The following FAT3 variants were observed in gnomAD, a reference collection of about 807,000 sequenced individuals.
FAT3 encodes protocadherin Fat 3.
Under a neutral mutation model 310.2 loss-of-function variants are expected in FAT3, and 95 were observed. The ratio of observed to expected loss-of-function variants is 0.31; its 90% confidence interval spans 0.26 to 0.36. FAT3 has a LOEUF of 0.36. Among genes scored for constraint, FAT3 ranks in the 10% least tolerant of loss-of-function variants. The pLI is 1.00. For missense variants in FAT3, 5,408 were observed against 5,715.6 expected (o/e 0.95, Z 1.74); for synonymous variants, 2,314 against 2,192.9 (o/e 1.06, Z -1.54).
At chr11:92,647,695 T>G (rs946781048) in intron 3 of FAT3, among the ~76,000 whole-genome samples, 1 of 152,132 alleles carries the variant, frequency 6.6e-6, no homozygotes, top group Non-Finnish European at 1.5e-5. Context: ...TCCAATGAGC[T>G]TATAGTTTTG....
intron 1 of FAT3, among the ~76,000 whole-genome samples, chr11:92,289,471 A>G (rs944637792): frequency 2.7e-5 from 4 of 146,658 alleles, no homozygotes; most frequent in African/African-American, 7.6e-5. Context: ...GGTAGCTCCA[A>G]CCTCCCAGCT....
At chr11:92,364,023 G>C (rs555589560) in intron 2 of FAT3, among the ~76,000 whole-genome samples, 1 of 152,034 alleles carries the variant, frequency 6.6e-6, no homozygotes, top group East Asian at 1.9e-4. Flanking sequence ...TTTTAATAGA[G>C]GACTGTTGGT....
chr11:92,418,538 C>G (rs1413973249), intron 2 of FAT3, among the ~76,000 whole-genome samples: 1 of 149,520 alleles, frequency 6.7e-6, no homozygotes, highest in African/African-American at 2.5e-5. Flanking sequence ...AAATGTGACC[C>G]TGCTGCATGC....
intron 2 of FAT3, among the ~76,000 whole-genome samples, chr11:92,439,478 T>C (rs556143610): frequency 7.2e-5 from 11 of 152,318 alleles, no homozygotes; most frequent in African/African-American, 1.2e-4. Context: ...AGACATTTAA[T>C]GAATGTCTAC....
intron 2 of FAT3, among the ~76,000 whole-genome samples, chr11:92,473,038 A>G (rs1324366591): frequency 6.6e-6 from 1 of 152,148 alleles, no homozygotes; most frequent in Non-Finnish European, 1.5e-5. Flanking sequence ...TTTAAGCTTT[A>G]GCTTAAATGT....
At chr11:92,233,721 G>A (rs1320432796) in intron 1 of FAT3, among the ~76,000 whole-genome samples, 1 of 152,146 alleles carries the variant, frequency 6.6e-6, no homozygotes, top group African/African-American at 2.4e-5. Flanking sequence ...CTAGGCAATT[G>A]AACAATTGAA....
At chr11:92,244,535 C>T (rs575202376) in intron 1 of FAT3, among the ~76,000 whole-genome samples, 10 of 152,232 alleles carry the variant, frequency 6.6e-5, no homozygotes, top group Admixed American at 2.6e-4. Flanking sequence ...ACAGCAAGCA[C>T]AGTAGAGCTT....
intron 1 of FAT3, among the ~76,000 whole-genome samples, chr11:92,227,923 ATTTT>A (rs5793585): frequency 3.4e-5 from 5 of 149,192 alleles, no homozygotes; most frequent in Non-Finnish European, 7.4e-5. Flanking sequence ...AGTTTTTTTT[ATTTT>A]TTTTTTAACA....
At chr11:92,534,604 A>G (rs1954188840) in intron 3 of FAT3, among the ~76,000 whole-genome samples, 1 of 152,194 alleles carries the variant, frequency 6.6e-6, no homozygotes, top group Non-Finnish European at 1.5e-5. Flanking sequence ...TGTAGATGTT[A>G]CCAAGTTAAA....
At position 92,792,888 on chromosome 11, in the gene FAT3, C is replaced by A; in HGVS notation, c.4733C>A (p.Ser1578Tyr). Reference protein sequence around the residue: ...NPLYEASVFESAALGSAVLQV... With the variant: ...NPLYEASVFEYAALGSAVLQV... ...CTGTATGAAGCGTCTGTGTTTGAAT[C>A]TGCTGCTCTGGGATCAGCTGTTCTG... The change falls in exon 9 of 28, where the codon TCT (serine) becomes TAT (tyrosine). Residue 1578 changes from serine (S) to tyrosine (Y), a missense_variant. This residue lies in a region of FAT3 where 4,588 missense variants were observed against 4,809.8 expected (regional missense o/e 0.95). Transcript: ENST00000525166. The A allele has an allele frequency of 6.2e-7, 1 of 1,613,850 alleles. No homozygotes were observed. The highest frequency in any genetic ancestry group is 8.5e-7 in the Non-Finnish European group (1 of 1,179,802).
intron 3 of FAT3, among the ~76,000 whole-genome samples, chr11:92,549,272 C>A (rs1297818321): frequency 6.6e-6 from 1 of 152,098 alleles, no homozygotes; most frequent in Non-Finnish European, 1.5e-5. Flanking sequence ...CAGCAATAAT[C>A]CGTATTTTGA....
At chr11:92,767,805 A>G (rs1169541740) in intron 6 of FAT3, among the ~76,000 whole-genome samples, 3 of 151,872 alleles carry the variant, frequency 2.0e-5, no homozygotes, top group Admixed American at 6.6e-5. Flanking sequence ...TCCTGCCAAA[A>G]CCTCTGTTGC....
intron 2 of FAT3, among the ~76,000 whole-genome samples, chr11:92,507,585 A>G (rs1023700498): frequency 6.6e-6 from 1 of 151,864 alleles, no homozygotes. Context: ...CTATATCTGT[A>G]CACCCTATAT....
At chr11:92,826,647 C>G (rs978232950) in intron 13 of FAT3, among the ~76,000 whole-genome samples, 4 of 152,200 alleles carry the variant, frequency 2.6e-5, no homozygotes, top group African/African-American at 9.7e-5. Context: ...TTAGAACCCA[C>G]ATTAAAAGTG....
intron 1 of FAT3, among the ~76,000 whole-genome samples, chr11:92,347,246 C>A (rs1948444054): frequency 6.6e-6 from 1 of 152,122 alleles, no homozygotes; most frequent in African/African-American, 2.4e-5. Flanking sequence ...TACACCAGAG[C>A]AGAGACTGAT....
chr11:92,799,888 A>G lies in FAT3; in HGVS notation c.6875A>G (p.Tyr2292Cys). The G allele has an allele frequency of 3.7e-6, 6 of 1,613,104 alleles. No individual in the cohort carries two copies. The highest frequency in any genetic ancestry group is 5.1e-6 in the Non-Finnish European group (6 of 1,179,524). The change falls in exon 10 of 28, where the codon TAC (tyrosine) becomes TGC (cysteine). Residue 2292 changes from tyrosine to cysteine, a missense_variant. Around this residue, in one of 5 missense-constraint regions of FAT3, gnomAD observed 4,588 missense variants for 4,809.8 expected, o/e 0.95. Coordinates refer to ENST00000525166, the MANE Select transcript of FAT3 (RefSeq NM_001367949.2). ...DNPPIFDQPTYNTTLSEASLI... is the reference protein window; with the variant it reads ...DNPPIFDQPTCNTTLSEASLI... ...CCCCCTATTTTCGATCAGCCTACATACAATACAACACTATCAGAAGCATCT... is the reference window on the plus strand; with the variant it reads ...CCCCCTATTTTCGATCAGCCTACATGCAATACAACACTATCAGAAGCATCT...
intron 3 of FAT3, among the ~76,000 whole-genome samples, chr11:92,633,495 A>G (rs1941637480): frequency 6.6e-6 from 1 of 152,228 alleles, no homozygotes; most frequent in Non-Finnish European, 1.5e-5. Flanking sequence ...AGCATAATCT[A>G]GTAGACTGTT....
At chr11:92,859,366 T>G in intron 21 of FAT3, 44 bp downstream of exon 21, 1 of 1,475,798 alleles carries the variant, frequency 6.8e-7, no homozygotes, top group Non-Finnish European at 9.1e-7. Flanking sequence ...GTTCTCATGT[T>G]AGTGTTTTGG....
At chr11:92,654,236 C>A (rs1942490753) in intron 3 of FAT3, among the ~76,000 whole-genome samples, 1 of 152,160 alleles carries the variant, frequency 6.6e-6, no homozygotes, top group South Asian at 2.1e-4. Flanking sequence ...CTTTTCAGTT[C>A]TGTAAGTTCC....
Sources: allele counts gnomAD v4.1 joint callset (sites outside exome capture counted in the v4.1 genomes callset), GRCh38; gene constraint gnomAD v4.1.1; regional missense constraint gnomAD v4.1.1; transcripts MANE v1.5; gene names NCBI Gene and HGNC (gene_info 2026-07-23, HGNC 2026-07-21).